The following SHTN1 variants were observed in gnomAD, a reference collection of about 807,000 sequenced individuals.
SHTN1 encodes shootin 1.
A neutral mutation model predicts 83.1 loss-of-function variants in SHTN1; 42 were observed. The observed-to-expected ratio is 0.51, with a 90% CI of 0.39 to 0.65. The LOEUF (loss-of-function observed/expected upper bound fraction) is 0.65. Ranked by LOEUF, SHTN1 falls within the 30% of genes least tolerant of loss-of-function variation. The probability of loss-of-function intolerance (pLI) is 0.00; values close to 1 mark genes in which losing one functional copy is unlikely to be tolerated. For synonymous variants in SHTN1, 224 were observed against 247.7 expected (o/e 0.90, Z 0.90); for missense variants, 622 against 737.8 (o/e 0.84, Z 1.82).
chr10:116,896,295 C>A (rs1480844322), intron 16 of SHTN1, among the ~76,000 whole-genome samples: 1 of 152,142 alleles, frequency 6.6e-6, no homozygotes, highest in African/African-American at 2.4e-5. Flanking sequence ...TTCACCCACA[C>A]TGATGTATAC....
rs566394213 is a variant in SHTN1 at position 117,110,125 on chromosome 10, G to A, written c.-189+16182C>T. On this transcript the variant is annotated intron_variant, in intron 1 of 17. Transcript: ENST00000392901. ...AACATCTCTCATATCCCTCAGAACC[G>A]TATTCTTTCTGGGTATGACAAAAAA... Among the ~76,000 whole-genome samples the A allele has an allele frequency of 1.6e-4, 25 of 152,196 alleles. 1 individual carries two copies. The South Asian group carries it at 3.7e-3, about 23-fold the overall frequency.
chr10:117,003,398 C>T (rs568850923), intron 1 of SHTN1, among the ~76,000 whole-genome samples: 1 of 148,170 alleles, frequency 6.7e-6, no homozygotes, highest in African/African-American at 2.5e-5. Context: ...CTGGGAAGGC[C>T]AAAGAGACTA....
chr10:116,906,488 C>G (rs1847976596), intron 15 of SHTN1, 139 bp downstream of exon 15: 3 of 733,612 alleles, frequency 4.1e-6, no homozygotes, highest in Non-Finnish European at 6.1e-6. Context: ...ATATCTTTAC[C>G]CATCCCATAC....
At chr10:116,921,360 G>T in intron 12 of SHTN1, 74 bp downstream of exon 12, 2 of 1,055,428 alleles carry the variant, frequency 1.9e-6, no homozygotes, top group Non-Finnish European at 2.9e-6. Flanking sequence ...TATAGTCAAA[G>T]AACTTAACAA....
chr10:117,081,011 T>G (rs188661409), intron 1 of SHTN1, among the ~76,000 whole-genome samples: 1 of 152,052 alleles, frequency 6.6e-6, no homozygotes, highest in Non-Finnish European at 1.5e-5. Flanking sequence ...CTTTTCCTAA[T>G]TGAATACCCG....
At chr10:116,922,664 T>C (rs1446697514) in intron 11 of SHTN1, among the ~76,000 whole-genome samples, 2 of 152,208 alleles carry the variant, frequency 1.3e-5, no homozygotes, top group Non-Finnish European at 2.9e-5. Flanking sequence ...GGATGAATCT[T>C]ACAAAATAAT....
chr10:116,928,116 T>C (rs1848812640), intron 10 of SHTN1, among the ~76,000 whole-genome samples: 1 of 152,210 alleles, frequency 6.6e-6, no homozygotes, highest in Non-Finnish European at 1.5e-5. Context: ...GTTATCTTTT[T>C]GCTGTATATA....
At chr10:116,924,046 A>T (rs1318664968) in intron 11 of SHTN1, among the ~76,000 whole-genome samples, 4 of 152,188 alleles carry the variant, frequency 2.6e-5, no homozygotes, top group Non-Finnish European at 4.4e-5. Context: ...GGAGCTTCTG[A>T]CTTTGTCTAG....
rs182977703 is a variant in SHTN1 at position 116,899,660 on chromosome 10, G to T, written c.1673+2105C>A. On this transcript the variant is annotated intron_variant, in intron 16 of 16. Transcript: ENST00000355371. Reference sequence around the variant, plus strand: ...GTCAAGAGCCAATAGCGCCACTCACGTGAAACACTAACGGTGGTGTTGCCA... The same window carrying T: ...GTCAAGAGCCAATAGCGCCACTCACTTGAAACACTAACGGTGGTGTTGCCA... Among the ~76,000 whole-genome samples the T allele has an allele frequency of 3.4e-4, 52 of 152,262 alleles. No individual in the cohort carries two copies. The East Asian group carries it at 7.5e-3, about 22-fold the overall frequency.
chr10:116,929,458 G>C (rs1396280882), intron 10 of SHTN1, among the ~76,000 whole-genome samples: 2 of 152,136 alleles, frequency 1.3e-5, no homozygotes, highest in Non-Finnish European at 2.9e-5. Flanking sequence ...CAAAGATGAA[G>C]ACAGTATTTT....
chr10:117,073,254 G>A (rs995047939), intron 1 of SHTN1, among the ~76,000 whole-genome samples: 1 of 152,178 alleles, frequency 6.6e-6, no homozygotes, highest in African/African-American at 2.4e-5. Flanking sequence ...TCCTGAGGAA[G>A]AAGAGAAATC....
chr10:116,899,564 C>A (rs1847656078), intron 16 of SHTN1, among the ~76,000 whole-genome samples: 1 of 140,434 alleles, frequency 7.1e-6, no homozygotes, highest in South Asian at 2.2e-4. Flanking sequence ...TGCATGCATA[C>A]ATATGTTGGG....
At chr10:117,009,724 G>A (rs1458414815), upstream of SHTN1, among the ~76,000 whole-genome samples, 1 of 152,030 alleles carries the variant, frequency 6.6e-6, no homozygotes, top group Non-Finnish European at 1.5e-5. Flanking sequence ...CTAACACTGT[G>A]AAACCCCGTC....
chr10:117,119,434 T>C (rs1427040402), intron 1 of SHTN1, among the ~76,000 whole-genome samples: 1 of 152,174 alleles, frequency 6.6e-6, no homozygotes, highest in East Asian at 1.9e-4. Context: ...CAAACAGGCA[T>C]ATGAAAAGGT....
In SHTN1 at chr10:116,946,629, ATTTATATATAAATATATAAAATG is replaced by A. The variant is rs1254323134; in HGVS notation, c.617-1634_617-1612del. 2.7e-3 allele frequency among the ~76,000 whole-genome samples: 275 copies of A among 100,048 alleles called. 26 individuals carry two copies. The highest frequency in any genetic ancestry group is 3.8e-3 in the South Asian group (12 of 3,166). The allele number at this position is 100,048 out of a possible 152,430, so 65.6% of individuals were successfully genotyped here. A position where few individuals can be genotyped will look rare whatever the true frequency, so the allele number is the denominator to read the frequency against. On this transcript the variant is annotated intron_variant, in intron 7 of 16. Transcript: ENST00000355371. ...GATTTATATATAAATATATAAAATGATTTATATATAAATATATAAAATGATTTATATATAAATATATAAAATGA... is the reference window on the plus strand; with the variant it reads ...GATTTATATATAAATATATAAAATGAATTTATATATAAATATATAAAATGA...
intron 2 of SHTN1, among the ~76,000 whole-genome samples, chr10:116,976,833 G>GT (rs2133475988): frequency 6.6e-6 from 1 of 152,208 alleles, no homozygotes; most frequent in South Asian, 2.1e-4. Flanking sequence ...ACTCTACTTT[G>GT]TTTTACCCAA....
At chr10:117,014,669 T>C (rs1852155329) in intron 2 of SHTN1, among the ~76,000 whole-genome samples, 1 of 152,184 alleles carries the variant, frequency 6.6e-6, no homozygotes, top group African/African-American at 2.4e-5. Flanking sequence ...CAACACAACT[T>C]ATGTGTTCTT....
chr10:117,084,963 T>A (rs899634997), intron 1 of SHTN1, among the ~76,000 whole-genome samples: 19 of 151,962 alleles, frequency 1.3e-4, no homozygotes, highest in African/African-American at 4.3e-4. Context: ...ATGAACCCGG[T>A]ACCTCAGATG....
At chr10:116,944,822 C>A (rs773492596) in intron 8 of SHTN1, 102 bp downstream of exon 8, 1 of 733,114 alleles carries the variant, frequency 1.4e-6, no homozygotes, top group South Asian at 1.5e-5. Context: ...ATCAGGGAGT[C>A]GGAGGTTGCA....
Sources: gnomAD v4.1 joint callset for allele counts (sites outside exome capture counted in the v4.1 genomes callset) on GRCh38, gnomAD v4.1.1 for gene constraint, MANE v1.5 for transcripts, NCBI Gene and HGNC (gene_info 2026-07-23, HGNC 2026-07-21) for gene names.